Variants in EYS observed in about 807,000 individuals in gnomAD.
EYS encodes protein eyes shut homolog.
Under a neutral mutation model 282.1 loss-of-function variants are expected in EYS, and 250 were observed. That is an observed-to-expected ratio of 0.89 (90% CI 0.80 to 0.98). EYS has a LOEUF of 0.98. EYS is among the 50% of genes least tolerant of loss of function. The pLI is 0.00. For synonymous variants in EYS, 1,355 were observed against 1,282.9 expected, an observed-to-expected ratio of 1.06 and a Z score of -1.20; for missense variants, 4,016 against 3,709.0, an observed-to-expected ratio of 1.08 and a Z score of -2.15.
rs575082114 is a variant in EYS, at chr6:65,285,222, A to T, written c.2023+10641T>A. The stretch of plus-strand genomic sequence containing the variant: ...ATTTTCTGCTACATTTTGTGGCCTA[A>T]TTATGTGAAATTTTACTCTGCAATT... On this transcript the variant is annotated intron_variant, in intron 12 of 42. Coordinates refer to ENST00000503581, the MANE Select transcript of EYS (RefSeq NM_001142800.2). Among the ~76,000 whole-genome samples the T allele has an allele frequency of 3.9e-5, 6 of 152,114 alleles. No individual in the cohort carries two copies. In the East Asian group the frequency reaches 1.2e-3, roughly 29 times the overall value.
intron 8 of EYS, among the ~76,000 whole-genome samples, chr6:65,381,423 A>G (rs1765605979): frequency 6.6e-6 from 1 of 152,054 alleles, no homozygotes; most frequent in Non-Finnish European, 1.5e-5. Flanking sequence ...CAGTGTGAAC[A>G]CATGGAGATA....
At chr6:65,125,846 C>G (rs1775703150) in intron 12 of EYS, among the ~76,000 whole-genome samples, 1 of 152,128 alleles carries the variant, frequency 6.6e-6, no homozygotes, top group Non-Finnish European at 1.5e-5. Context: ...CTGCCTTCCT[C>G]TCTTCAGAAA....
intron 22 of EYS, among the ~76,000 whole-genome samples, chr6:64,743,003 C>A (rs1471116598): frequency 6.6e-6 from 1 of 152,070 alleles, no homozygotes; most frequent in Non-Finnish European, 1.5e-5. Context: ...TCTCTTTCCT[C>A]CCATACTGTG....
intron 19 of EYS, among the ~76,000 whole-genome samples, chr6:64,833,083 T>A (rs774950023): frequency 2.4e-4 from 37 of 151,848 alleles, no homozygotes; most frequent in Non-Finnish European, 4.6e-4. Flanking sequence ...TTATTACATA[T>A]AAACATTAAT....
chr6:64,556,045 C>T (rs761715716), intron 26 of EYS, among the ~76,000 whole-genome samples: 21 of 151,932 alleles, frequency 1.4e-4, no homozygotes, highest in Non-Finnish European at 2.8e-4. Flanking sequence ...AGTGAGAATG[C>T]AATGGTACAG....
chr6:64,613,428 G>C (rs1203203961), intron 24 of EYS, among the ~76,000 whole-genome samples: 1 of 151,726 alleles, frequency 6.6e-6, no homozygotes, highest in Non-Finnish European at 1.5e-5. Context: ...CTGGTGTGTA[G>C]AGAATTTGGA....
At chr6:64,095,017 T>C (rs1343257818) in intron 31 of EYS, among the ~76,000 whole-genome samples, 1 of 152,218 alleles carries the variant, frequency 6.6e-6, no homozygotes, top group Non-Finnish European at 1.5e-5. Context: ...ATGTACCCAG[T>C]AGTCATTCAG....
rs928803207 is a variant in EYS, at chr6:64,591,747, G to A, written c.4120C>T (p.Arg1374Ter). 1.1e-5 allele frequency: 17 copies of A among 1,551,204 alleles called. No homozygotes were observed. The Admixed American group carries it at 1.6e-4, about 14-fold the overall frequency. Residue 1374 changes from arginine to a stop codon, truncating the protein, a stop_gained, in exon 26 of 43, where the codon CGA (arginine) becomes TGA (stop). Coordinates refer to ENST00000503581, the MANE Select transcript of EYS (RefSeq NM_001142800.2). LOFTEE classifies it high-confidence loss of function. ...DKTSVSHMPI[R>*]TSAATLGFFF... is the part of the protein sequence containing the mutation. ...AAACCTAGTGTGGCTGCTGAAGTTC[G>A]AATAGGCATATGTGATACCGATGTT...
chr6:64,453,840 C>A (rs894853693), intron 26 of EYS, among the ~76,000 whole-genome samples: 6 of 152,022 alleles, frequency 3.9e-5, no homozygotes, highest in Non-Finnish European at 1.5e-5. Context: ...GGGAACATCA[C>A]ACACCGGGGA....
chr6:65,338,603 A>T (rs1000862058), intron 10 of EYS, among the ~76,000 whole-genome samples: 1 of 151,000 alleles, frequency 6.6e-6, no homozygotes, highest in Non-Finnish European at 1.5e-5. Flanking sequence ...TTAAACTTTG[A>T]TTGCACAAAA....
chr6:64,036,875 C>A (rs1447265399), intron 33 of EYS, among the ~76,000 whole-genome samples: 1 of 152,116 alleles, frequency 6.6e-6, no homozygotes, highest in African/African-American at 2.4e-5. Flanking sequence ...AGGATAGTGG[C>A]AATGCTAGGA....
intron 28 of EYS, among the ~76,000 whole-genome samples, chr6:64,428,090 T>C (rs545758921): frequency 6.6e-6 from 1 of 152,250 alleles, no homozygotes; most frequent in South Asian, 2.1e-4. Context: ...AACTGGATCA[T>C]AATACAAGTT....
At chr6:65,581,223 T>C (rs2127360518) in intron 2 of EYS, among the ~76,000 whole-genome samples, 1 of 152,130 alleles carries the variant, frequency 6.6e-6, no homozygotes, top group East Asian at 1.9e-4. Flanking sequence ...CTTTATTAAA[T>C]ATAGAGGGGA....
At chr6:65,115,788 C>T (rs1303572779) in intron 12 of EYS, among the ~76,000 whole-genome samples, 1 of 134,718 alleles carries the variant, frequency 7.4e-6, no homozygotes, top group Non-Finnish European at 1.6e-5. Context: ...ATTAGATTTC[C>T]TCAGAGGGTA....
At chr6:64,148,335 T>G (rs1774589859) in intron 31 of EYS, among the ~76,000 whole-genome samples, 1 of 152,186 alleles carries the variant, frequency 6.6e-6, no homozygotes, top group Admixed American at 6.6e-5. Flanking sequence ...TTGACCTATT[T>G]TTTAAGCAAC....
At chr6:63,761,395 C>T (rs944688809) in intron 41 of EYS, among the ~76,000 whole-genome samples, 1 of 152,042 alleles carries the variant, frequency 6.6e-6, no homozygotes, top group Non-Finnish European at 1.5e-5. Flanking sequence ...CATGATTAAA[C>T]ATTTTTTCCC....
chr6:65,398,043 T>C (rs983045969), intron 7 of EYS, among the ~76,000 whole-genome samples: 1 of 152,040 alleles, frequency 6.6e-6, no homozygotes, highest in African/African-American at 2.4e-5. Context: ...TTTTGGCTGC[T>C]TTTATATCTT....
intron 22 of EYS, among the ~76,000 whole-genome samples, chr6:64,755,241 G>C (rs1161353798): frequency 6.6e-6 from 1 of 152,012 alleles, no homozygotes; most frequent in Non-Finnish European, 1.5e-5. Context: ...TAACCAAGGA[G>C]GTGAAAGATC....
chr6:64,758,248 C>A (rs760657872), intron 22 of EYS, among the ~76,000 whole-genome samples: 4 of 152,034 alleles, frequency 2.6e-5, no homozygotes, highest in Admixed American at 6.6e-5. Flanking sequence ...TCACTAGCCA[C>A]TATACTCTCC....
Sources: gnomAD v4.1 joint callset for allele counts (sites outside exome capture counted in the v4.1 genomes callset) on GRCh38, gnomAD v4.1.1 for gene constraint, MANE v1.5 for transcripts, NCBI Gene and HGNC (gene_info 2026-07-23, HGNC 2026-07-21) for gene names.